The following NSMAF variants were observed in gnomAD, a reference collection of about 807,000 sequenced individuals.
NSMAF encodes the protein neutral sphingomyelinase activation associated factor, also known as protein FAN.
NSMAF carries 90 observed loss-of-function variants against 134.9 expected under a neutral mutation model. The observed-to-expected ratio is 0.67, with a 90% CI of 0.56 to 0.79. The LOEUF is 0.79. NSMAF is among the 30% of genes least tolerant of loss of function. The probability of loss-of-function intolerance (pLI) is 0.00; values close to 1 mark genes in which losing one functional copy is unlikely to be tolerated. For missense variants in NSMAF, 1,010 were observed against 1,119.0 expected, an observed-to-expected ratio of 0.90 and a Z score of 1.39; for synonymous variants, 358 against 389.6, an observed-to-expected ratio of 0.92 and a Z score of 0.96.
At chr8:58,635,582 A>C in intron 2 of NSMAF, 36 bp from the exon 3 acceptor site, 1 of 1,283,430 alleles carries the variant, frequency 7.8e-7, no homozygotes, top group South Asian at 1.3e-5. Context: ...TTTGATGAGC[A>C]TAACAAAAAT....
Position 58,623,694 on chromosome 8 carries a change from C to T in NSMAF, c.456+15G>A. The T allele has an allele frequency of 6.2e-7, 1 of 1,607,824 alleles. No individual in the cohort carries two copies. The highest frequency in any genetic ancestry group is 8.5e-7 in the Non-Finnish European group (1 of 1,176,234). ...CCTCAGTTTGCTTTGAATTTTCTAC[C>T]CAGCAAGTGCTTACCTGAAGCAACG... On this transcript the variant is annotated intron_variant, in intron 7 of 30. Transcript: ENST00000038176.
At chr8:58,615,100 G>A (rs1806628310) in intron 9 of NSMAF, among the ~76,000 whole-genome samples, 1 of 152,128 alleles carries the variant, frequency 6.6e-6, no homozygotes, top group African/African-American at 2.4e-5. Context: ...CACAAATGAA[G>A]AGGGACATTT....
At chr8:58,610,947 CAA>C (rs1459422360) in intron 9 of NSMAF, among the ~76,000 whole-genome samples, 1 of 152,166 alleles carries the variant, frequency 6.6e-6, no homozygotes, top group African/African-American at 2.4e-5. Context: ...ACAGGTGCAA[CAA>C]AGTCTTAATG....
At chr8:58,621,414 A>C (rs1444450148) in intron 9 of NSMAF, among the ~76,000 whole-genome samples, 2 of 151,744 alleles carry the variant, frequency 1.3e-5, no homozygotes, top group Non-Finnish European at 2.9e-5. Flanking sequence ...TGCTGTGATA[A>C]GCCTACGTGT....
intron 2 of NSMAF, among the ~76,000 whole-genome samples, chr8:58,638,243 C>G (rs1441484245): frequency 6.6e-6 from 1 of 152,158 alleles, no homozygotes; most frequent in Middle Eastern, 3.4e-3. Flanking sequence ...TGGGGTCTTG[C>G]TAGGTTGCTC....
intron 9 of NSMAF, among the ~76,000 whole-genome samples, chr8:58,617,283 T>A (rs1204487153): frequency 2.0e-5 from 3 of 152,118 alleles, no homozygotes; most frequent in Non-Finnish European, 4.4e-5. Context: ...CGAAAAGCAA[T>A]GGCAACAATA....
At chr8:58,604,520 CTA>C (rs1806358853) in intron 12 of NSMAF, among the ~76,000 whole-genome samples, 1 of 147,572 alleles carries the variant, frequency 6.8e-6, no homozygotes, top group East Asian at 2.0e-4. Flanking sequence ...CTATATATAA[CTA>C]TATATAAACT....
intron 13 of NSMAF, 142 bp from the exon 14 acceptor site, chr8:58,602,279 T>C (rs1255202368): frequency 1.7e-6 from 1 of 591,846 alleles, no homozygotes; most frequent in South Asian, 2.5e-5. Context: ...TTGTTAGTTA[T>C]TTATGTAGAT....
chr8:58,606,075 G>T (rs1453823658), intron 11 of NSMAF, 40 bp from the exon 12 acceptor site: 8 of 896,370 alleles, frequency 8.9e-6, no homozygotes, highest in Non-Finnish European at 1.6e-6. Context: ...AAATAGCATT[G>T]TATTCATCTT....
chr8:58,657,224 TAC>T (rs1491118694), intron 1 of NSMAF, among the ~76,000 whole-genome samples: 9 of 152,228 alleles, frequency 5.9e-5, no homozygotes, highest in Non-Finnish European at 1.3e-4. Context: ...AATATCAAAG[TAC>T]ATCAACCTAA....
intron 1 of NSMAF, among the ~76,000 whole-genome samples, chr8:58,655,296 C>A (rs1446077440): frequency 6.6e-6 from 1 of 152,114 alleles, no homozygotes; most frequent in Non-Finnish European, 1.5e-5. Flanking sequence ...CTACATTACC[C>A]AAGAAATAGC....
At chr8:58,601,913 G>A (rs528864832) in intron 14 of NSMAF, 145 bp downstream of exon 14, 8 of 627,892 alleles carry the variant, frequency 1.3e-5, no homozygotes, top group Non-Finnish European at 1.9e-5. Flanking sequence ...GCTAATTCAC[G>A]GTCAGGAGAA....
At chr8:58,618,488 G>A (rs1009866500) in intron 9 of NSMAF, among the ~76,000 whole-genome samples, 2 of 151,774 alleles carry the variant, frequency 1.3e-5, no homozygotes, top group African/African-American at 4.8e-5. Flanking sequence ...CTTCTAACAA[G>A]TACCTGCTGA....
intron 6 of NSMAF, among the ~76,000 whole-genome samples, chr8:58,625,931 A>G (rs919069854): frequency 1.3e-5 from 2 of 151,588 alleles, no homozygotes; most frequent in African/African-American, 4.9e-5. Context: ...TTATTTTGAT[A>G]GTTTTTGTGG....
At chr8:58,606,778 G>T (rs1041919120) in intron 11 of NSMAF, among the ~76,000 whole-genome samples, 1 of 152,142 alleles carries the variant, frequency 6.6e-6, no homozygotes, top group African/African-American at 2.4e-5. Flanking sequence ...GTACTAGCTG[G>T]GAGCTTAGGA....
chr8:58,635,709 A>G (rs7833097), intron 2 of NSMAF, among the ~76,000 whole-genome samples, 163 bp from the exon 3 acceptor site: 9,196 of 152,278 alleles, frequency 0.06, 687 homozygotes, highest in African/African-American at 0.18. Context: ...CTGGTAAAAC[A>G]AAACACAGAA....
chr8:58,585,672 T>C lies in NSMAF; in HGVS notation c.2639A>G (p.Glu880Gly). ...VWDLLGAKIS[E>G]RIQGHTGAVT... ...CTTACCTGTGTGGCCCTGTATTCTC[T>C]CACTGATTTTTGCTCCAAGGAGGTC... is the stretch of plus-strand genomic sequence containing the variant. The change falls in exon 30 of 31, where the codon GAG becomes GGG. Residue 880 changes from glutamate to glycine, a missense_variant. Physicochemically the swap from Glu to Gly is moderately conservative, Grantham distance 98. Coordinates refer to ENST00000038176, the MANE Select transcript of NSMAF (RefSeq NM_003580.4). 2 of 1,613,876 alleles carry C rather than the reference T, an allele frequency of 1.2e-6. No homozygotes were observed. The highest frequency in any genetic ancestry group is 1.7e-6 in the Non-Finnish European group (2 of 1,179,754).
At chr8:58,611,048 T>C (rs908768334) in intron 9 of NSMAF, among the ~76,000 whole-genome samples, 8 of 152,226 alleles carry the variant, frequency 5.3e-5, no homozygotes, top group African/African-American at 1.9e-4. Flanking sequence ...TGGAGGTAAA[T>C]ATTATTTAGT....
At position 58,643,038 on chromosome 8, in the gene NSMAF, T is replaced by C. The variant is rs748411122; in HGVS notation, c.95A>G (p.Tyr32Cys). 41 of 1,613,998 alleles carry C rather than the reference T, an allele frequency of 2.5e-5. No individual in the cohort carries two copies. The highest frequency in any genetic ancestry group is 2.2e-4 in the Admixed American group (13 of 59,998). ...GTGATTGGCTCTATGCTGTTCAAAG[T>C]AGTACTCCTCCAAGTTAAGCAGCAG... ...SLLLLNLEEY[Y>C]FEQHRANHIL... The change falls in exon 2 of 31, where the codon TAC becomes TGC. Residue 32 changes from tyrosine (Y) to cysteine (C), a missense_variant. Tyr to Cys is a radical substitution (Grantham distance 194). Coordinates refer to ENST00000038176, the MANE Select transcript of NSMAF (RefSeq NM_003580.4).
Sources: allele counts gnomAD v4.1 joint callset (sites outside exome capture counted in the v4.1 genomes callset), GRCh38; gene constraint gnomAD v4.1.1; transcripts MANE v1.5; gene names NCBI Gene and HGNC (gene_info 2026-07-23, HGNC 2026-07-21).